The following ERICH6 variants were observed in gnomAD, a reference collection of about 807,000 sequenced individuals.
ERICH6 encodes glutamate-rich protein 6.
A neutral mutation model predicts 71.0 loss-of-function variants in ERICH6; 71 were observed. The ratio of observed to expected loss-of-function variants is 1.00; its 90% CI spans 0.83 to 1.22. The LOEUF is 1.22. ERICH6 is among the 50% of genes most tolerant of loss of function. The pLI, the probability that ERICH6 is intolerant of heterozygous loss-of-function variation, is 0.00. For synonymous variants in ERICH6, 262 were observed against 278.4 expected, an observed-to-expected ratio of 0.94 and a Z score of 0.59; for missense variants, 808 against 797.2, an observed-to-expected ratio of 1.01 and a Z score of -0.16.
At chr3:150,697,842 G>T (rs963789943) in intron 3 of ERICH6, among the ~76,000 whole-genome samples, 1 of 152,178 alleles carries the variant, frequency 6.6e-6, no homozygotes, top group Non-Finnish European at 1.5e-5. Flanking sequence ...CTCCCAGTGA[G>T]AAAGATCTGG....
chr3:150,685,568 A>T (rs1712145165), intron 6 of ERICH6, among the ~76,000 whole-genome samples, 174 bp downstream of exon 6: 1 of 151,708 alleles, frequency 6.6e-6, no homozygotes, highest in African/African-American at 2.4e-5. Flanking sequence ...GGTACCTGTT[A>T]TAGCAGCCCT....
At chr3:150,682,003 C>T (rs1406328562) in intron 7 of ERICH6, among the ~76,000 whole-genome samples, 1 of 151,878 alleles carries the variant, frequency 6.6e-6, no homozygotes, top group Non-Finnish European at 1.5e-5. Context: ...TTAGTAGACA[C>T]AGGGTTTCAC....
At position 150,703,621 on chromosome 3, in the gene ERICH6, T is replaced by A. The variant is rs1012695543; in HGVS notation, c.278A>T (p.Asp93Val). The A allele has an allele frequency of 6.2e-7, 1 of 1,614,044 alleles. No individual in the cohort carries two copies. The highest frequency in any genetic ancestry group is 1.7e-5 in the Admixed American group (1 of 60,016). ...DIGDYDDDFP[D>V]VRPRLASIVS... ...GATGCTGGCTAAGCGGGGGCGCACGTCTGGGAAGTCGTCGTCGTAGTCACC... is the reference window on the plus strand; with the variant it reads ...GATGCTGGCTAAGCGGGGGCGCACGACTGGGAAGTCGTCGTCGTAGTCACC... The change falls in exon 1 of 14, where the codon GAC becomes GTC. Residue 93 changes from aspartate (D) to valine (V), a missense_variant. Around this residue, in one of 3 missense-constraint regions of ERICH6, gnomAD observed 736 missense variants for 712.2 expected, o/e 1.03. Transcript: ENST00000295910.
intron 13 of ERICH6, among the ~76,000 whole-genome samples, chr3:150,665,051 T>A (rs921794028): frequency 1.3e-5 from 2 of 152,206 alleles, no homozygotes; most frequent in East Asian, 3.9e-4. Context: ...AGTATTTTTA[T>A]ATTTTGTGTA....
At chr3:150,681,578 G>C (rs766645072) in intron 7 of ERICH6, among the ~76,000 whole-genome samples, 3 of 152,066 alleles carry the variant, frequency 2.0e-5, no homozygotes, top group Non-Finnish European at 2.9e-5. Context: ...AGAACTGATG[G>C]GTCATATGGT....
intron 11 of ERICH6, among the ~76,000 whole-genome samples, chr3:150,673,012 G>A (rs1711524989): frequency 1.3e-5 from 2 of 152,006 alleles, no homozygotes; most frequent in South Asian, 4.1e-4. Flanking sequence ...GCCTCACAGT[G>A]AGACCCTGTC....
chr3:150,684,995 A>G (rs1181919436), intron 6 of ERICH6, among the ~76,000 whole-genome samples: 3 of 151,790 alleles, frequency 2.0e-5, no homozygotes, highest in Admixed American at 6.6e-5. Context: ...ACACAGCAAG[A>G]CCTTGTCTCA....
rs775416658 is a variant in ERICH6, at chr3:150,680,542, C to T, written c.1041-4G>A. 4.3e-6 allele frequency: 7 copies of T among 1,613,952 alleles called. No homozygotes were observed. In the South Asian group the frequency reaches 7.7e-5, roughly 18 times the overall value. On this transcript the variant is annotated splice_region_variant and splice_polypyrimidine_tract_variant and intron_variant, in intron 8 of 13. Coordinates refer to ENST00000295910, the MANE Select transcript of ERICH6 (RefSeq NM_152394.5). ...GGCCATTCGTTGCTCCTGTTTCCTA[C>T]AAAATCAGAAAACATCAGGCATAAA...
chr3:150,668,840 G>T (rs532272560), intron 12 of ERICH6, among the ~76,000 whole-genome samples: 10 of 152,232 alleles, frequency 6.6e-5, no homozygotes, highest in African/African-American at 2.4e-4. Context: ...TACTCTTCTT[G>T]CTTGTGGCTA....
At chr3:150,666,739 CTTA>C (rs1727426537) in intron 13 of ERICH6, 45 bp downstream of exon 13, 1 of 1,519,616 alleles carries the variant, frequency 6.6e-7, no homozygotes, top group African/African-American at 1.4e-5. Flanking sequence ...TTAGTTTACT[CTTA>C]TTATTATTCT....
rs542246701 is a variant in ERICH6, at chr3:150,667,236, TG to T, written c.1500-222del. 5.3e-5 allele frequency among the ~76,000 whole-genome samples: 8 copies of T among 152,186 alleles called. No homozygotes were observed. In the East Asian group the frequency reaches 1.5e-3, roughly 29 times the overall value. ...TTGAGTTCATACTGATAAACTAAAATGGGTCCAAAGGATCAGCCTGGGATGA... is the reference window on the plus strand; with the variant it reads ...TTGAGTTCATACTGATAAACTAAAATGGTCCAAAGGATCAGCCTGGGATGA... On this transcript the variant is annotated intron_variant, in intron 12 of 13. Coordinates refer to ENST00000295910, the MANE Select transcript of ERICH6 (RefSeq NM_152394.5).
chr3:150,689,392 C>T (rs1463072823), intron 3 of ERICH6, among the ~76,000 whole-genome samples: 1 of 152,160 alleles, frequency 6.6e-6, no homozygotes, highest in Admixed American at 6.5e-5. Context: ...TAAGGTTTTG[C>T]CTTCTTTTTT....
intron 13 of ERICH6, among the ~76,000 whole-genome samples, chr3:150,663,454 TAA>T (rs1727292414): frequency 6.6e-6 from 1 of 152,192 alleles, no homozygotes; most frequent in African/African-American, 2.4e-5. Flanking sequence ...TCTGCTGTGT[TAA>T]GTTTTTTCTT....
intron 13 of ERICH6, among the ~76,000 whole-genome samples, chr3:150,665,431 C>G (rs945913983): frequency 2.8e-5 from 4 of 143,162 alleles, no homozygotes; most frequent in Non-Finnish European, 6.0e-5. Flanking sequence ...ACAGGAGAAT[C>G]GCTTGAACCC....
intron 10 of ERICH6, 138 bp downstream of exon 10, chr3:150,678,271 A>T: frequency 2.7e-6 from 2 of 746,120 alleles, no homozygotes; most frequent in Admixed American, 4.0e-5. Context: ...AGCAGAAGTT[A>T]AAAGACCAAG....
intron 3 of ERICH6, among the ~76,000 whole-genome samples, chr3:150,697,388 C>A (rs1258645910): frequency 1.3e-5 from 2 of 152,182 alleles, no homozygotes; most frequent in Non-Finnish European, 2.9e-5. Flanking sequence ...AAAAGCTTAG[C>A]AATAAAATGG....
chr3:150,661,590 A>G (rs1727226233), intron 13 of ERICH6, among the ~76,000 whole-genome samples: 2 of 152,260 alleles, frequency 1.3e-5, no homozygotes, highest in African/African-American at 4.8e-5. Context: ...TATATAGTTA[A>G]TATTTTCCGA....
chr3:150,670,198 G>T (rs2108044958), intron 11 of ERICH6, among the ~76,000 whole-genome samples: 1 of 152,098 alleles, frequency 6.6e-6, no homozygotes, highest in Non-Finnish European at 1.5e-5. Context: ...ATTAATAGAT[G>T]TTCTGGCTGG....
intron 11 of ERICH6, 34 bp downstream of exon 11, chr3:150,673,922 A>G: frequency 6.3e-7 from 1 of 1,593,192 alleles, no homozygotes; most frequent in South Asian, 1.1e-5. Flanking sequence ...TGAAGTAATA[A>G]AGCTAATAAA....
Sources: gnomAD v4.1 joint callset for allele counts (sites outside exome capture counted in the v4.1 genomes callset) on GRCh38, gnomAD v4.1.1 for gene constraint, gnomAD v4.1.1 regional missense constraint, MANE v1.5 for transcripts, NCBI Gene and HGNC (gene_info 2026-07-23, HGNC 2026-07-21) for gene names.